Variants in CARD14 observed in about 807,000 individuals in gnomAD.
The protein encoded by CARD14 is caspase recruitment domain-containing protein 14.
CARD14 carries 107 observed loss-of-function variants against 111.5 expected under a neutral mutation model. The observed-to-expected ratio is 0.96, with a 90% CI of 0.82 to 1.13. CARD14 has a LOEUF of 1.13. Ranked by LOEUF, CARD14 falls within the 50% of genes most tolerant of loss-of-function variation. CARD14 has a pLI of 0.00. For synonymous variants in CARD14, 617 were observed against 579.6 expected, an observed-to-expected ratio of 1.06 and a Z score of -0.93; for missense variants, 1,322 against 1,362.3, an observed-to-expected ratio of 0.97 and a Z score of 0.47.
chr17:80,203,686 A>AG lies in CARD14; in HGVS notation c.2220-133dup. 1 of 618,540 alleles carries AG rather than the reference A, an allele frequency of 1.6e-6. No individual in the cohort carries two copies. The highest frequency in any genetic ancestry group is 2.9e-6 in the Non-Finnish European group (1 of 348,924). 38.3% of individuals were successfully genotyped at this position (618,540 alleles called of 1,614,324 possible). On this transcript the variant is annotated intron_variant, in intron 18 of 23. Coordinates refer to ENST00000648509, the MANE Select transcript of CARD14 (RefSeq NM_001366385.1). This position sits in a 1 kb window ranked among gnomAD's most constrained non-coding sequence, Gnocchi z 4.6. ...GATGGAGCGCTCCAGCCTGCAGCAA[A>AG]GGGATGTGTGGAGCTCTAGGTGGAG... is the stretch of plus-strand genomic sequence containing the variant.
intron 21 of CARD14, 80 bp downstream of exon 21, chr17:80,205,285 T>G: frequency 5.0e-6 from 5 of 993,218 alleles, no homozygotes; most frequent in Non-Finnish European, 2.8e-6. Context: ...CTTCCTCCCC[T>G]TCCTCCCTCC....
In CARD14 at chr17:80,190,764, C is replaced by T. The variant is rs2040499734; in HGVS notation, c.964-10C>T. ...TGAGCTTCACGGTCCATGTGTCCCA[C>T]TCTGTCCAGTACTGGGAAGAGAAGG... On this transcript the variant is annotated splice_polypyrimidine_tract_variant and intron_variant, in intron 9 of 23. Transcript: ENST00000648509. 1 of 1,613,978 alleles carries T rather than the reference C, an allele frequency of 6.2e-7. No individual in the cohort carries two copies. The highest frequency in any genetic ancestry group is 8.5e-7 in the Non-Finnish European group (1 of 1,179,982).
rs1266494435 is a variant in CARD14 at position 80,188,146 on chromosome 17, C to T, written c.676-231C>T. On this transcript the variant is annotated intron_variant, in intron 7 of 23. Coordinates refer to ENST00000648509, the MANE Select transcript of CARD14 (RefSeq NM_001366385.1). This position sits in a 1 kb window ranked among gnomAD's most constrained non-coding sequence, Gnocchi z 4.5. The stretch of plus-strand genomic sequence containing the variant: ...ACCCTAACCCTGGATGGAGTTCAAC[C>T]GCGGTGCCTCATCTATAAGACAGAG... 6.5e-6 allele frequency: 3 copies of T among 464,200 alleles called. No individual in the cohort carries two copies. Among genetic ancestry groups the T allele is most frequent in the Non-Finnish European group, 9.9e-6 (3 of 303,270 alleles). The allele number at this position is 464,200 out of a possible 1,614,324, so 28.8% of individuals were successfully genotyped here.
At position 80,198,681 on chromosome 17, in the gene CARD14, C is replaced by G. The variant is rs375085546; in HGVS notation, c.1851+90C>G. ...TGACCCAGGCAGACTTCACCTCCCC[C>G]AGACGATGCAGATCCACTCTGGGCT... On this transcript the variant is annotated intron_variant, in intron 16 of 23. Transcript: ENST00000648509. This position sits in a 1 kb window ranked among gnomAD's most constrained non-coding sequence, Gnocchi z 7.5. The G allele has an allele frequency of 1.4e-5, 23 of 1,605,618 alleles. No homozygotes were observed. The highest frequency in any genetic ancestry group is 1.9e-5 in the Non-Finnish European group (22 of 1,178,828).
In CARD14 at chr17:80,182,134, A is replaced by G. The variant is rs563626545; in HGVS notation, c.211+485A>G. Among the ~76,000 whole-genome samples the G allele has an allele frequency of 6.6e-6, 1 of 152,310 alleles. No individual in the cohort carries two copies. The highest frequency in any genetic ancestry group is 1.5e-5 in the Non-Finnish European group (1 of 68,020). On this transcript the variant is annotated intron_variant, in intron 5 of 23. Coordinates refer to ENST00000648509, the MANE Select transcript of CARD14 (RefSeq NM_001366385.1). The surrounding 1 kb of genome is among the most constrained non-coding windows in gnomAD (Gnocchi z 4.7). ...ATGTTGGCGTACGAACCCCAAACACAGGAGAGATTGATGCACGCTGGTCAT... is the reference window on the plus strand; with the variant it reads ...ATGTTGGCGTACGAACCCCAAACACGGGAGAGATTGATGCACGCTGGTCAT...
chr17:80,186,893 C>T (rs2040361560), intron 7 of CARD14, among the ~76,000 whole-genome samples: 1 of 152,194 alleles, frequency 6.6e-6, no homozygotes, highest in Non-Finnish European at 1.5e-5. Context: ...TAGGTGTGTC[C>T]ATCACTACTA....
Position 80,184,230 on chromosome 17 carries a change from C to A in CARD14, c.667C>A (p.Gln223Lys). The change falls in exon 7 of 24, where the codon CAG becomes AAG. Residue 223 changes from glutamine to lysine, a missense_variant. Gln to Lys is a moderately conservative substitution (Grantham distance 53). Transcript: ENST00000648509. ...ELAASRCRSLQEELYLLKQEL... is the reference protein window; with the variant it reads ...ELAASRCRSLKEELYLLKQEL... ...GGCCGCCTCACGCTGCCGCAGCCTGCAGGAGGAGGTAGGGGGACACCCTGC... is the reference window on the plus strand; with the variant it reads ...GGCCGCCTCACGCTGCCGCAGCCTGAAGGAGGAGGTAGGGGGACACCCTGC... The A allele has an allele frequency of 6.5e-7, 1 of 1,528,304 alleles. No homozygotes were observed. Among genetic ancestry groups the A allele is most frequent in the Non-Finnish European group, 8.8e-7 (1 of 1,133,532 alleles). The allele number at this position is 1,528,304 out of a possible 1,614,324, so 94.7% of individuals were successfully genotyped here.
chr17:80,202,126 C>A, intron 17 of CARD14, 54 bp from the exon 18 acceptor site: 1 of 1,496,624 alleles, frequency 6.7e-7, no homozygotes, highest in Admixed American at 1.8e-5. Context: ...TGCAACCTTC[C>A]TCGCAGAGGC....
rs764740214 is a variant in CARD14, at chr17:80,205,160, A to G, written c.2524A>G (p.Ser842Gly). ...LVPRAVGKIL[S>G]EKLCLLQGFK... The stretch of plus-strand genomic sequence containing the variant: ...GCCCAGGGCGGTTGGGAAGATCCTG[A>G]GCGAGAAACTGTGCCTCCTCCAAGG... The change falls in exon 21 of 24, where the codon AGC (serine) becomes GGC (glycine). Residue 842 changes from serine (S) to glycine (G), a missense_variant. Physicochemically the swap from Ser to Gly is moderately conservative, Grantham distance 56. Transcript: ENST00000648509. The G allele has an allele frequency of 6.2e-7, 1 of 1,613,798 alleles. No homozygotes were observed. The highest frequency in any genetic ancestry group is 8.5e-7 in the Non-Finnish European group (1 of 1,179,928).
chr17:80,181,365 T>C, intron 4 of CARD14, 54 bp from the exon 5 acceptor site: 1 of 1,358,814 alleles, frequency 7.4e-7, no homozygotes, highest in East Asian at 2.5e-5. Context: ...TCACCCTGGC[T>C]ATCCTGGGGT....
chr17:80,192,283 G>A (rs557237048), intron 11 of CARD14: 1 of 484,910 alleles, frequency 2.1e-6, no homozygotes, highest in East Asian at 3.4e-5. Context: ...GAAATGAAAT[G>A]CTGTGTGTCC....
Position 80,195,650 on chromosome 17 carries a change from C to A in CARD14, c.1592C>A (p.Ala531Glu). The change falls in exon 14 of 24, where the codon GCA becomes GAA. Residue 531 changes from alanine to glutamate, a missense_variant and splice_region_variant. Transcript: ENST00000648509. This position sits in a 1 kb window ranked among gnomAD's most constrained non-coding sequence, Gnocchi z 4.7. ...CTGGATTATGAGCTCCTAGACACGGCAGGTGAGCACGCCCAACCCTGAACC... is the reference window on the plus strand; with the variant it reads ...CTGGATTATGAGCTCCTAGACACGGAAGGTGAGCACGCCCAACCCTGAACC... ...PHLDYELLDT[A>E]DLPQLESSLQ... 1 of 1,611,202 alleles carries A rather than the reference C, an allele frequency of 6.2e-7. No homozygotes were observed. The highest frequency in any genetic ancestry group is 8.5e-7 in the Non-Finnish European group (1 of 1,178,754).
intron 10 of CARD14, 47 bp from the exon 11 acceptor site, chr17:80,191,276 C>T (rs1567881210): frequency 1.3e-6 from 2 of 1,591,320 alleles, no homozygotes; most frequent in South Asian, 1.1e-5. Flanking sequence ...AGCTGAGGCT[C>T]CCCGGTGGTG....
At chr17:80,184,551 A>G (rs1186617585) in intron 7 of CARD14, among the ~76,000 whole-genome samples, 1 of 152,186 alleles carries the variant, frequency 6.6e-6, no homozygotes, top group Non-Finnish European at 1.5e-5. Context: ...TCTGGGCTGC[A>G]TATTTGTAGG....
rs1284684450 is a variant in CARD14 at position 80,195,053 on chromosome 17, ATG to A, written c.1357-132_1357-131del. 2.7e-6 allele frequency: 3 copies of A among 1,096,882 alleles called. No homozygotes were observed. In the East Asian group the frequency reaches 7.5e-5, roughly 27 times the overall value. The allele number at this position is 1,096,882 out of a possible 1,614,324, so 67.9% of individuals were successfully genotyped here. ...GCAGGTGCTCAGCGCATGTGACCCC[ATG>A]TGTGTCCTTCTTTCCCCTCCTGCCT... On this transcript the variant is annotated intron_variant, in intron 12 of 23. Coordinates refer to ENST00000648509, the MANE Select transcript of CARD14 (RefSeq NM_001366385.1). This position sits in a 1 kb window ranked among gnomAD's most constrained non-coding sequence, Gnocchi z 4.7.
At chr17:80,176,855 G>A (rs565743741) in intron 2 of CARD14, among the ~76,000 whole-genome samples, 1 of 152,324 alleles carries the variant, frequency 6.6e-6, no homozygotes, top group Non-Finnish European at 1.5e-5. Flanking sequence ...ACTGGGTGGA[G>A]GCCCAGGAGC....
Position 80,184,040 on chromosome 17 carries a change from C to T in CARD14, c.477C>T (p.His159=). The change falls in exon 7 of 24, where the codon CAC becomes CAT. Residue 159 remains histidine, a synonymous_variant. Coordinates refer to ENST00000648509, the MANE Select transcript of CARD14 (RefSeq NM_001366385.1). ...GGCGGTGCCAGCAGCTGCAGGAGCA[C>T]CTGGGCCTGGCCGAGACCCGTGCCG... ...LLRRCQQLQE[H]LGLAETRAEG... 2 of 1,588,264 alleles carry T rather than the reference C, an allele frequency of 1.3e-6. No individual in the cohort carries two copies. The highest frequency in any genetic ancestry group is 1.1e-5 in the South Asian group (1 of 87,308).
rs2040199566 is a variant in CARD14 at position 80,182,306 on chromosome 17, A to G, written c.212-347A>G. Among the ~76,000 whole-genome samples, 1 of 152,176 alleles carries G rather than the reference A, an allele frequency of 6.6e-6. No individual in the cohort carries two copies. Among genetic ancestry groups the G allele is most frequent in the Non-Finnish European group, 1.5e-5 (1 of 68,028 alleles). On this transcript the variant is annotated intron_variant, in intron 5 of 23. Coordinates refer to ENST00000648509, the MANE Select transcript of CARD14 (RefSeq NM_001366385.1). This position sits in a 1 kb window ranked among gnomAD's most constrained non-coding sequence, Gnocchi z 4.7. The stretch of plus-strand genomic sequence containing the variant: ...CACCGTGGTGGGACCCTGCGTCTGC[A>G]TCACCCACCAGCTTGCCAGGGAGGT...
chr17:80,194,117 GCTCT>G (rs777691911), intron 12 of CARD14, among the ~76,000 whole-genome samples: 5 of 151,918 alleles, frequency 3.3e-5, no homozygotes, highest in African/African-American at 4.8e-5. Context: ...CTGCTCTGTT[GCTCT>G]CTCTGTCTGG....
Sources: gnomAD v4.1 joint callset for allele counts (sites outside exome capture counted in the v4.1 genomes callset) on GRCh38, gnomAD v4.1.1 for gene constraint, Gnocchi (gnomAD v3.1) non-coding constraint, MANE v1.5 for transcripts, NCBI Gene and HGNC (gene_info 2026-07-23, HGNC 2026-07-21) for gene names.